Variants in RANBP2 observed in about 807,000 individuals in gnomAD.
The protein encoded by RANBP2 is E3 SUMO-protein ligase RanBP2.
A neutral mutation model predicts 303.6 loss-of-function variants in RANBP2; 57 were observed. That is an observed-to-expected ratio of 0.19 (90% CI 0.15 to 0.23). The LOEUF (loss-of-function observed/expected upper bound fraction) is 0.23, where lower values mean the gene tolerates loss of function less well. RANBP2 is among the 10% of genes least tolerant of loss of function. The pLI is 1.00. For synonymous variants in RANBP2, 1,167 were observed against 1,301.5 expected, an observed-to-expected ratio of 0.90 and a Z score of 2.23; for missense variants, 3,138 against 3,780.8, an observed-to-expected ratio of 0.83 and a Z score of 4.46.
chr2:109,570,438 AT>A, the RANBP2 span, among the ~76,000 whole-genome samples: 1 of 152,072 alleles, frequency 6.6e-6, no homozygotes, highest in Non-Finnish European at 1.5e-5. Context: ...TAGGGGAAAA[AT>A]TTTTTTAATG....
the RANBP2 span, among the ~76,000 whole-genome samples, chr2:109,412,372 G>T: frequency 2.0e-5 from 3 of 152,252 alleles, no homozygotes; most frequent in Non-Finnish European, 2.9e-5. Flanking sequence ...TGTGGCCCCA[G>T]CGTGGCTCTG....
the RANBP2 span, among the ~76,000 whole-genome samples, chr2:109,213,601 G>A: frequency 6.6e-6 from 1 of 152,168 alleles, no homozygotes; most frequent in South Asian, 2.1e-4. Flanking sequence ...CACCAGCTGT[G>A]TCCAACACAG....
At chr2:108,872,019 A>G in the RANBP2 span, among the ~76,000 whole-genome samples, 1 of 152,070 alleles carries the variant, frequency 6.6e-6, no homozygotes, top group African/African-American at 2.4e-5. Context: ...ACTTTGCCCT[A>G]CTTCCTTCCA....
chr2:109,429,872 G>A, the RANBP2 span, among the ~76,000 whole-genome samples: 692 of 152,282 alleles, frequency 4.5e-3, 2 homozygotes, highest in African/African-American at 0.016. Flanking sequence ...CAAGCTCCAC[G>A]CTGTGCAGGG....
chr2:109,473,583 AAAG>A, the RANBP2 span, among the ~76,000 whole-genome samples: 12 of 152,336 alleles, frequency 7.9e-5, no homozygotes, highest in African/African-American at 2.6e-4. Context: ...TCTGGGATTC[AAAG>A]AAGATGGTTT....
At chr2:109,363,279 T>C in the RANBP2 span, among the ~76,000 whole-genome samples, 1 of 152,180 alleles carries the variant, frequency 6.6e-6, no homozygotes, top group Non-Finnish European at 1.5e-5. Context: ...AATATTCATT[T>C]ACAATGAATT....
At chr2:109,281,216 C>T in the RANBP2 span, among the ~76,000 whole-genome samples, 1 of 152,366 alleles carries the variant, frequency 6.6e-6, no homozygotes, top group Middle Eastern at 3.4e-3. Context: ...CAGCTTCTGC[C>T]CTGGGCTGCT....
the RANBP2 span, among the ~76,000 whole-genome samples, chr2:108,964,276 A>G: frequency 6.6e-6 from 1 of 152,074 alleles, no homozygotes; most frequent in African/African-American, 2.4e-5. Context: ...GACTTTTCTG[A>G]GGTCCACCGG....
the RANBP2 span, among the ~76,000 whole-genome samples, chr2:109,199,220 G>A: frequency 0.3 from 45,088 of 150,870 alleles, 7,267 homozygotes; most frequent in East Asian, 0.47. Context: ...TTAGCCAGGC[G>A]TGGTGGCGGG....
chr2:109,484,098 C>T, the RANBP2 span, among the ~76,000 whole-genome samples: 4 of 145,690 alleles, frequency 2.7e-5, no homozygotes, highest in African/African-American at 7.6e-5. Flanking sequence ...GACCGAGTCT[C>T]GCTCTTGTCT....
chr2:109,281,398 C>T, the RANBP2 span, among the ~76,000 whole-genome samples: 485 of 152,280 alleles, frequency 3.2e-3, no homozygotes, highest in Non-Finnish European at 5.1e-3. Flanking sequence ...CTAGCTCTGC[C>T]GATGTGACAG....
chr2:109,153,736 G>A, the RANBP2 span, among the ~76,000 whole-genome samples: 3 of 152,188 alleles, frequency 2.0e-5, no homozygotes, highest in East Asian at 1.9e-4. Context: ...GTTTTGTGCT[G>A]AGCTGGGTTC....
chr2:109,169,417 G>T, the RANBP2 span, among the ~76,000 whole-genome samples: 1 of 152,096 alleles, frequency 6.6e-6, no homozygotes, highest in Non-Finnish European at 1.5e-5. Flanking sequence ...TGCTGTGCTG[G>T]TGAAGAACAC....
the RANBP2 span, among the ~76,000 whole-genome samples, chr2:109,570,043 G>C: frequency 6.6e-6 from 1 of 151,960 alleles, no homozygotes; most frequent in South Asian, 2.1e-4. Flanking sequence ...AAAAACCTGT[G>C]TATTGCTATT....
intron 15 of RANBP2, among the ~76,000 whole-genome samples, chr2:108,754,227 G>C (rs1003367250): frequency 6.6e-6 from 1 of 151,590 alleles, no homozygotes; most frequent in Non-Finnish European, 1.5e-5. Flanking sequence ...TCTAAGATAA[G>C]ACATTGATTT....
At chr2:109,680,553 A>G in the RANBP2 span, among the ~76,000 whole-genome samples, 6 of 152,198 alleles carry the variant, frequency 3.9e-5, no homozygotes, top group Non-Finnish European at 7.3e-5. Flanking sequence ...GGTTGTCAAA[A>G]ATGTTAAAAA....
At chr2:109,222,522 A>C in the RANBP2 span, among the ~76,000 whole-genome samples, 1 of 151,958 alleles carries the variant, frequency 6.6e-6, no homozygotes, top group Non-Finnish European at 1.5e-5. Context: ...CCTTCAGCAG[A>C]GGGAGTGCAT....
chr2:109,041,492 A>G, the RANBP2 span, among the ~76,000 whole-genome samples: 5 of 151,328 alleles, frequency 3.3e-5, no homozygotes, highest in Non-Finnish European at 7.4e-5. Flanking sequence ...TAGGTTGCTA[A>G]GAGTTTTAAA....
chr2:109,298,314 C>T, the RANBP2 span, among the ~76,000 whole-genome samples: 30 of 149,670 alleles, frequency 2.0e-4, no homozygotes, highest in African/African-American at 6.6e-4. Context: ...GGAAGGGAAG[C>T]GCATCTATGT....
Sources: allele counts gnomAD v4.1 joint callset (sites outside exome capture counted in the v4.1 genomes callset), GRCh38; gene constraint gnomAD v4.1.1; transcripts MANE v1.5; gene names NCBI Gene and HGNC (gene_info 2026-07-23, HGNC 2026-07-21).